Variants in ANO3 observed in about 807,000 individuals in gnomAD.
The protein encoded by ANO3 is anoctamin-3.
A neutral mutation model predicts 144.8 loss-of-function variants in ANO3; 99 were observed. That is an observed-to-expected ratio of 0.68 (90% CI 0.58 to 0.81). The LOEUF is 0.81. Ranked by LOEUF, ANO3 falls within the 30% of genes least tolerant of loss-of-function variation. The pLI, the probability that ANO3 is intolerant of heterozygous loss-of-function variation, is 0.00. For missense variants in ANO3, 905 were observed against 1,202.2 expected (o/e 0.75, Z 3.66); for synonymous variants, 414 against 392.6 (o/e 1.05, Z -0.64).
intron 18 of ANO3, among the ~76,000 whole-genome samples, chr11:26,626,205 T>C (rs1487907668): frequency 5.3e-5 from 8 of 152,216 alleles, no homozygotes; most frequent in Admixed American, 5.2e-4. Flanking sequence ...AAACCTTTTA[T>C]CATTTATTAT....
intron 1 of ANO3, among the ~76,000 whole-genome samples, chr11:26,223,576 T>A (rs937910172): frequency 6.7e-6 from 1 of 150,184 alleles, no homozygotes; most frequent in East Asian, 2.0e-4. Flanking sequence ...ACCAATTTTC[T>A]GTGCTAGTCC....
At chr11:26,431,805 A>G (rs551478758) in intron 1 of ANO3, among the ~76,000 whole-genome samples, 3 of 152,298 alleles carry the variant, frequency 2.0e-5, no homozygotes, top group South Asian at 4.1e-4. Context: ...CAGTCTAGCA[A>G]TGATGAACAT....
intron 1 of ANO3, among the ~76,000 whole-genome samples, chr11:26,385,423 A>T (rs890340199): frequency 6.6e-6 from 1 of 152,198 alleles, no homozygotes; most frequent in Non-Finnish European, 1.5e-5. Context: ...GACTCACTGG[A>T]CTAAAGTCAA....
At chr11:26,637,365 C>T (rs1455821099) in intron 20 of ANO3, among the ~76,000 whole-genome samples, 1 of 152,110 alleles carries the variant, frequency 6.6e-6, no homozygotes, top group African/African-American at 2.4e-5. Context: ...AGGCAGCAAA[C>T]ACATTGGTAA....
intron 4 of ANO3, among the ~76,000 whole-genome samples, chr11:26,483,582 C>G (rs372545704): frequency 1.1e-4 from 16 of 152,130 alleles, no homozygotes; most frequent in East Asian, 5.8e-4. Flanking sequence ...TTTCTGAGTG[C>G]CCCCCTCCCA....
chr11:26,200,635 G>A (rs1407508956), intron 1 of ANO3, among the ~76,000 whole-genome samples: 1 of 152,092 alleles, frequency 6.6e-6, no homozygotes, highest in Non-Finnish European at 1.5e-5. Flanking sequence ...TCAGCAAAAG[G>A]AAGATACAGA....
At chr11:26,618,404 A>G (rs1852320809) in intron 17 of ANO3, among the ~76,000 whole-genome samples, 1 of 152,076 alleles carries the variant, frequency 6.6e-6, no homozygotes, top group African/African-American at 2.4e-5. Context: ...CTCCTTCCTT[A>G]GTTCAACTAG....
chr11:26,493,194 A>G (rs576596343), intron 4 of ANO3, among the ~76,000 whole-genome samples: 90 of 152,278 alleles, frequency 5.9e-4, no homozygotes, highest in African/African-American at 2.0e-3. Flanking sequence ...TGTCCCTTCA[A>G]TGGATAGCCT....
At chr11:26,656,512 T>C (rs1346488808) in intron 26 of ANO3, 31 bp downstream of exon 26, 3 of 1,329,516 alleles carry the variant, frequency 2.3e-6, no homozygotes, top group Admixed American at 1.7e-5. Context: ...AAAATTACTA[T>C]AGATAAATGC....
intron 4 of ANO3, among the ~76,000 whole-genome samples, chr11:26,501,040 A>C (rs1861175900): frequency 6.6e-6 from 1 of 152,196 alleles, no homozygotes. Flanking sequence ...TACAGAAAGT[A>C]AAAAATAAAT....
At chr11:26,489,555 A>G (rs890455643) in intron 4 of ANO3, among the ~76,000 whole-genome samples, 10 of 152,168 alleles carry the variant, frequency 6.6e-5, no homozygotes, top group Non-Finnish European at 1.5e-5. Flanking sequence ...AGCTTGTACC[A>G]TGTGCCTGGA....
At chr11:26,475,040 T>A (rs1859908929) in intron 4 of ANO3, among the ~76,000 whole-genome samples, 1 of 151,928 alleles carries the variant, frequency 6.6e-6, no homozygotes, top group South Asian at 2.1e-4. Context: ...GAATTGGCTT[T>A]GTGTCTTCAT....
chr11:26,347,535 C>G (rs572967104), intron 1 of ANO3, among the ~76,000 whole-genome samples: 1 of 152,262 alleles, frequency 6.6e-6, no homozygotes, highest in African/African-American at 2.4e-5. Flanking sequence ...AAAATGAAAT[C>G]GTTCTGTCAA....
intron 7 of ANO3, 118 bp downstream of exon 7, chr11:26,525,797 T>G: frequency 1.4e-6 from 1 of 706,914 alleles, no homozygotes; most frequent in Non-Finnish European, 2.3e-6. Flanking sequence ...TCTATTGATT[T>G]GTCGAAGATA....
At chr11:26,559,688 T>C in intron 13 of ANO3, 31 bp from the exon 14 acceptor site, 1 of 1,522,694 alleles carries the variant, frequency 6.6e-7, no homozygotes, top group Non-Finnish European at 9.1e-7. Flanking sequence ...TCAATTTGCA[T>C]GACTAATATT....
At chr11:26,358,577 T>C (rs1855847315) in intron 1 of ANO3, among the ~76,000 whole-genome samples, 1 of 152,170 alleles carries the variant, frequency 6.6e-6, no homozygotes, top group South Asian at 2.1e-4. Context: ...CTTACAATTA[T>C]ATTTTTTACT....
intron 4 of ANO3, among the ~76,000 whole-genome samples, chr11:26,489,442 G>C (rs1860613039): frequency 6.6e-6 from 1 of 152,206 alleles, no homozygotes; most frequent in African/African-American, 2.4e-5. Flanking sequence ...AGGGAAATGT[G>C]GGGTTGGAGC....
chr11:26,438,184 G>T (rs1236336064), intron 1 of ANO3, among the ~76,000 whole-genome samples: 2 of 152,018 alleles, frequency 1.3e-5, no homozygotes, highest in Admixed American at 6.6e-5. Flanking sequence ...AAAGAAACTC[G>T]CATTTACAAT....
intron 14 of ANO3, 134 bp downstream of exon 14, chr11:26,559,913 C>T: frequency 1.5e-6 from 1 of 677,722 alleles, no homozygotes; most frequent in East Asian, 2.5e-5. Flanking sequence ...TAGGTTGGTA[C>T]TTGATTTGTT....
Sources: gnomAD v4.1 joint callset for allele counts (sites outside exome capture counted in the v4.1 genomes callset) on GRCh38, gnomAD v4.1.1 for gene constraint, MANE v1.5 for transcripts, NCBI Gene and HGNC (gene_info 2026-07-23, HGNC 2026-07-21) for gene names.